Variants in SHOX observed in about 807,000 individuals in gnomAD.
The protein encoded by SHOX is SHOX homeobox, also known as short stature homeobox protein.
Under a neutral mutation model 29.6 loss-of-function variants are expected in SHOX, and 12 were observed. That is an observed-to-expected ratio of 0.41 (90% CI 0.26 to 0.66). SHOX has a LOEUF of 0.66. Among genes scored for constraint, SHOX ranks in the 30% least tolerant of loss-of-function variants. The probability of loss-of-function intolerance (pLI) is 0.35; values close to 1 mark genes in which losing one functional copy is unlikely to be tolerated. For missense variants in SHOX, 499 were observed against 437.7 expected (o/e 1.14, Z -1.25); for synonymous variants, 214 against 200.6 (o/e 1.07, Z -0.57).
intron 2 of SHOX, among the ~76,000 whole-genome samples, chrX:636,275 CAT>C (rs1466683554): frequency 1.9e-4 from 26 of 135,836 alleles, no homozygotes; most frequent in South Asian, 9.0e-4. Flanking sequence ...AATATATAAA[CAT>C]ATATAATATA....
At chrX:624,851 C>CTTT (rs1569491624) in intron 1 of SHOX, among the ~76,000 whole-genome samples, 1 of 113,784 alleles carries the variant, frequency 8.8e-6, no homozygotes, top group Non-Finnish European at 1.8e-5. Flanking sequence ...TCCTCTCTTC[C>CTTT]TCTTTCTTTC....
chrX:655,253 G>T (rs1041049522), downstream of SHOX, among the ~76,000 whole-genome samples: 18 of 151,636 alleles, frequency 1.2e-4, no homozygotes, highest in African/African-American at 4.4e-4. Flanking sequence ...GATTACAGGT[G>T]CCCGCCACCA....
upstream of SHOX, among the ~76,000 whole-genome samples, chrX:629,050 C>T (rs111221451): frequency 1.2e-5 from 1 of 84,308 alleles, no homozygotes; most frequent in Non-Finnish European, 2.5e-5. Flanking sequence ...TCTGTCTCTC[C>T]CTCTCTCTCC....
Position 651,463 on chromosome X carries a change from T to C in SHOX, c.*6827T>C, listed in dbSNP as rs1475364691. ...TGAGTTTCTCTGGTGACGCCCTCAT[T>C]CTCCTAACGTTCAATAATCTCAATG... On this transcript the variant is annotated 3_prime_UTR_variant, in exon 5 of 5. Coordinates refer to ENST00000686671, the MANE Select transcript of SHOX (RefSeq NM_000451.4). The C allele has an allele frequency of 8.9e-6, 4 of 447,486 alleles. No individual in the cohort carries two copies. The highest frequency in any genetic ancestry group is 1.3e-5 in the Non-Finnish European group (3 of 224,362). The allele number at this position is 447,486 out of a possible 1,614,324, so 27.7% of individuals were successfully genotyped here.
chrX:643,607 G>C lies in SHOX; in HGVS notation c.634-784G>C, dbSNP rs185862688. Among the ~76,000 whole-genome samples, 808 of 144,046 alleles carry C rather than the reference G, an allele frequency of 5.6e-3. 34 individuals are homozygous for C. Among genetic ancestry groups the C allele is most frequent in the African/African-American group, 0.021 (763 of 36,486 alleles). 94.5% of individuals were successfully genotyped at this position (144,046 alleles called of 152,430 possible). On this transcript the variant is annotated intron_variant, in intron 4 of 4. Transcript: ENST00000686671. ...GTCCCGGGAGAGGCTTGGGGACCTG[G>C]TGTCCTGGGAGAGCCTTGGGGATCT...
intron 4 of SHOX, 89 bp from the exon 5 acceptor site, chrX:644,302 G>A: frequency 1.4e-6 from 2 of 1,414,880 alleles, no homozygotes; most frequent in African/African-American, 1.5e-5. Flanking sequence ...GGGGAGAAGA[G>A]GCACGTTGGA....
rs779520671 is a variant in SHOX at position 658,540 on chromosome X, C to A, written c.634-245C>A. Among the ~76,000 whole-genome samples, 214 of 150,752 alleles carry A rather than the reference C, an allele frequency of 1.4e-3. 5 individuals are homozygous for A. The highest frequency in any genetic ancestry group is 8.0e-3 in the Admixed American group (121 of 15,148). On this transcript the variant is annotated intron_variant, in intron 5 of 5. Transcript: ENST00000334060. The stretch of plus-strand genomic sequence containing the variant: ...GGCTGGAGTGCAGTGGCACGATCTC[C>A]GCTCACTGCAAGCTCCTCTTCCCGG...
chrX:630,760 G>A, upstream of SHOX: 2 of 1,121,548 alleles, frequency 1.8e-6, no homozygotes, highest in South Asian at 1.4e-5. Flanking sequence ...AGGTCGCCGC[G>A]TATAAATAGT....
chrX:636,162 C>T, intron 2 of SHOX, among the ~76,000 whole-genome samples: 1 of 146,818 alleles, frequency 6.8e-6, no homozygotes, highest in Non-Finnish European at 1.5e-5. Context: ...AATATATAAA[C>T]ATACATAAAT....
In SHOX at chrX:651,423, C is replaced by A. The variant is rs749017249; in HGVS notation, c.*6787C>A. 6.5e-5 allele frequency: 29 copies of A among 443,606 alleles called. No individual in the cohort carries two copies. Among genetic ancestry groups the A allele is most frequent in the Non-Finnish European group, 1.1e-4 (25 of 223,502 alleles). 27.5% of individuals were successfully genotyped at this position (443,606 alleles called of 1,614,324 possible). A position where few individuals can be genotyped will look rare whatever the true frequency, so the allele number is the denominator to read the frequency against. The stretch of plus-strand genomic sequence containing the variant: ...CAAACAAACAAACAGAAAAAAAAAC[C>A]AAAAAAAACCACCCTGAGTTTCTCT... On this transcript the variant is annotated 3_prime_UTR_variant, in exon 5 of 5. Coordinates refer to ENST00000686671, the MANE Select transcript of SHOX (RefSeq NM_000451.4).
Position 648,475 on chromosome X carries a change from G to A in SHOX, c.*3839G>A, listed in dbSNP as rs1207459671. On this transcript the variant is annotated 3_prime_UTR_variant, in exon 5 of 5. Transcript: ENST00000686671. ...CTCCTGACCTCAGGTTGACCTGCCC[G>A]CTTTGTCCCTCGCAAAGTGCTGGGA... 4.6e-5 allele frequency among the ~76,000 whole-genome samples: 7 copies of A among 152,186 alleles called. No homozygotes were observed. Among genetic ancestry groups the A allele is most frequent in the South Asian group, 2.1e-4 (1 of 4,834 alleles).
rs1273496549 is a variant in SHOX, at chrX:644,662, C to G, written c.*26C>G. On this transcript the variant is annotated 3_prime_UTR_variant, in exon 5 of 5. Coordinates refer to ENST00000686671, the MANE Select transcript of SHOX (RefSeq NM_000451.4). Reference sequence around the variant, plus strand: ...CCCGCCGCGCAGCCCCCCGCGCGCCCGGACTCCCGGGCTCCGCGCACCCCG... The same window carrying G: ...CCCGCCGCGCAGCCCCCCGCGCGCCGGGACTCCCGGGCTCCGCGCACCCCG... 117 of 1,426,720 alleles carry G rather than the reference C, an allele frequency of 8.2e-5. No individual in the cohort carries two copies. Among genetic ancestry groups the G allele is most frequent in the Non-Finnish European group, 1.1e-4 (116 of 1,100,058 alleles). The allele number at this position is 1,426,720 out of a possible 1,614,324, so 88.4% of individuals were successfully genotyped here. A position where few individuals can be genotyped will look rare whatever the true frequency, so the allele number is the denominator to read the frequency against.
At chrX:630,768 A>T, upstream of SHOX, 1 of 1,169,126 alleles carries the variant, frequency 8.6e-7, no homozygotes, top group Non-Finnish European at 1.3e-6. Flanking sequence ...GCGTATAAAT[A>T]GTGAGATTTC....
In SHOX at chrX:634,780, G is replaced by C; in HGVS notation, c.440G>C (p.Arg147Pro). ...ACCCATTACCCCGACGCCTTCATGC[G>C]CGAGGAGCTCAGCCAGCGCCTGGGG... ...DETHYPDAFMREELSQRLGLS... is the reference protein window; with the variant it reads ...DETHYPDAFMPEELSQRLGLS... Residue 147 changes from arginine (R) to proline (P), a missense_variant, in exon 2 of 5, where the codon CGC (arginine) becomes CCC (proline). Physicochemically the swap from Arg to Pro is moderately radical, Grantham distance 103 (BLOSUM62 -2). Transcript: ENST00000686671. 1.2e-6 allele frequency: 2 copies of C among 1,603,182 alleles called. No homozygotes were observed. The highest frequency in any genetic ancestry group is 1.7e-4 in the Middle Eastern group (1 of 5,978).
upstream of SHOX, among the ~76,000 whole-genome samples, chrX:628,044 C>T (rs1450861518): frequency 8.5e-6 from 1 of 117,418 alleles, no homozygotes; most frequent in Non-Finnish European, 1.9e-5. Context: ...CCGAATCTCC[C>T]TCTCTGTCTG....
chrX:644,879 G>A lies in SHOX; in HGVS notation c.*243G>A, dbSNP rs1320201638. Reference sequence around the variant, plus strand: ...GGTGAGCGGCCGTGCGTCCAGCCCGGGCCTCTCCAAGGCTGCCCGTGCGTC... The same window carrying A: ...GGTGAGCGGCCGTGCGTCCAGCCCGAGCCTCTCCAAGGCTGCCCGTGCGTC... On this transcript the variant is annotated 3_prime_UTR_variant, in exon 5 of 5. Transcript: ENST00000686671. The A allele has an allele frequency of 3.9e-6, 2 of 514,958 alleles. No homozygotes were observed. The highest frequency in any genetic ancestry group is 4.1e-5 in the African/African-American group (2 of 49,182). The allele number at this position is 514,958 out of a possible 1,614,324, so 31.9% of individuals were successfully genotyped here. A position where few individuals can be genotyped will look rare whatever the true frequency, so the allele number is the denominator to read the frequency against.
In SHOX at chrX:631,555, A is replaced by G. The variant is rs1243935696; in HGVS notation, c.277+381A>G. Among the ~76,000 whole-genome samples, 3 of 152,068 alleles carry G rather than the reference A, an allele frequency of 2.0e-5. No individual in the cohort carries two copies. In the East Asian group the frequency reaches 5.8e-4, roughly 29 times the overall value. ...TTTTGTTTGTTTGTTTGTTTGAGACAGAGTCTCGCTCTGTCCCCCAGGCTG... is the reference window on the plus strand; with the variant it reads ...TTTTGTTTGTTTGTTTGTTTGAGACGGAGTCTCGCTCTGTCCCCCAGGCTG... On this transcript the variant is annotated intron_variant, in intron 1 of 4. Coordinates refer to ENST00000686671, the MANE Select transcript of SHOX (RefSeq NM_000451.4).
downstream of SHOX, among the ~76,000 whole-genome samples, chrX:653,668 G>T (rs757259750): frequency 1.5e-4 from 23 of 151,998 alleles, no homozygotes; most frequent in South Asian, 4.8e-3. Flanking sequence ...GTTTCAATAG[G>T]AATGAGATCT....
chrX:627,304 C>G (rs189065774), upstream of SHOX, among the ~76,000 whole-genome samples: 9 of 152,244 alleles, frequency 5.9e-5, 1 homozygote, highest in East Asian at 1.5e-3. Context: ...AGAAAAAGCT[C>G]TCGTCTGGAT....
Sources: allele counts gnomAD v4.1 joint callset (sites outside exome capture counted in the v4.1 genomes callset), GRCh38; gene constraint gnomAD v4.1.1; transcripts MANE v1.5; gene names NCBI Gene and HGNC (gene_info 2026-07-23, HGNC 2026-07-21).